MROH2B: variants seen among roughly 807,000 people sequenced by gnomAD.
MROH2B encodes maestro heat like repeat family member 2B.
Under a neutral mutation model 208.6 loss-of-function variants are expected in MROH2B, and 177 were observed. The ratio of observed to expected loss-of-function variants is 0.85; its 90% CI spans 0.75 to 0.96. The LOEUF (loss-of-function observed/expected upper bound fraction) is 0.96, where lower values mean the gene tolerates loss of function less well. MROH2B is among the 40% of genes least tolerant of loss of function. The probability of loss-of-function intolerance (pLI) is 0.00; values close to 1 mark genes in which losing one functional copy is unlikely to be tolerated. For missense variants in MROH2B, 2,002 were observed against 1,878.7 expected (o/e 1.07, Z -1.21); for synonymous variants, 728 against 659.0 (o/e 1.10, Z -1.60).
Position 41,007,462 on chromosome 5 carries a change from A to G in MROH2B, c.3609-8T>C, listed in dbSNP as rs1254248100. The G allele has an allele frequency of 1.9e-6, 3 of 1,554,430 alleles. No individual in the cohort carries two copies. Among genetic ancestry groups the G allele is most frequent in the African/African-American group, 1.4e-5 (1 of 72,698 alleles). On this transcript the variant is annotated splice_polypyrimidine_tract_variant and splice_region_variant and intron_variant, in intron 33 of 41. Coordinates refer to ENST00000399564, the MANE Select transcript of MROH2B (RefSeq NM_173489.5). Reference sequence around the variant, plus strand: ...AAAGTAGCAGTTGAAAGCCTAAAGGAGACAGTCAGCATTACAAAACTAAGT... The same window carrying G: ...AAAGTAGCAGTTGAAAGCCTAAAGGGGACAGTCAGCATTACAAAACTAAGT...
At chr5:41,065,714 G>A (rs867939314) in intron 3 of MROH2B, among the ~76,000 whole-genome samples, 1 of 152,020 alleles carries the variant, frequency 6.6e-6, no homozygotes, top group Admixed American at 6.5e-5. Flanking sequence ...TTCTTTTGGA[G>A]TCTGCAAAAA....
chr5:41,004,251 G>A (rs774041810), intron 37 of MROH2B, 95 bp downstream of exon 37: 3 of 1,417,254 alleles, frequency 2.1e-6, no homozygotes, highest in East Asian at 4.6e-5. Context: ...AAGGAATATG[G>A]GTGGGACACT....
chr5:41,066,342 C>G (rs1743814518), intron 3 of MROH2B, among the ~76,000 whole-genome samples: 1 of 152,106 alleles, frequency 6.6e-6, no homozygotes, highest in South Asian at 2.1e-4. Flanking sequence ...TCAGCAAACT[C>G]ACAATATAGG....
At chr5:41,032,900 C>T in intron 23 of MROH2B, 79 bp from the exon 24 acceptor site, 1 of 1,544,808 alleles carries the variant, frequency 6.5e-7, no homozygotes, top group South Asian at 1.2e-5. Context: ...CTCATCAGAC[C>T]ATTGGGTGCC....
chr5:41,026,612 CA>C (rs1463035740), intron 24 of MROH2B, among the ~76,000 whole-genome samples: 3 of 152,124 alleles, frequency 2.0e-5, no homozygotes, highest in African/African-American at 7.2e-5. Context: ...CCATACTGCC[CA>C]AGGTAATTTA....
chr5:41,050,367 A>T (rs1743249164), intron 13 of MROH2B, among the ~76,000 whole-genome samples: 1 of 152,150 alleles, frequency 6.6e-6, no homozygotes, highest in Non-Finnish European at 1.5e-5. Flanking sequence ...ATTGGAACTT[A>T]GTTGATTGTA....
At chr5:41,024,449 T>C (rs533702308) in intron 24 of MROH2B, among the ~76,000 whole-genome samples, 1 of 152,212 alleles carries the variant, frequency 6.6e-6, no homozygotes, top group South Asian at 2.1e-4. Flanking sequence ...GGCCATTACA[T>C]AATGGAAAAG....
chr5:41,054,947 T>G, intron 10 of MROH2B, 107 bp from the exon 11 acceptor site: 1 of 721,910 alleles, frequency 1.4e-6, no homozygotes, highest in Non-Finnish European at 2.1e-6. Flanking sequence ...GTGAAATCTC[T>G]TGTTTTTAAC....
chr5:41,016,724 A>G (rs1260365702), intron 28 of MROH2B, among the ~76,000 whole-genome samples: 7 of 151,780 alleles, frequency 4.6e-5, no homozygotes, highest in Non-Finnish European at 8.8e-5. Flanking sequence ...CAAGTGACCC[A>G]TATGCTTCGG....
Position 40,999,792 on chromosome 5 carries a change from T to C in MROH2B, c.4483-13A>G, listed in dbSNP as rs780113593. ...GGTTTTTCTTGGCCTAGAAGAGATGTGAATTTCAAAGAGGGCAACTGGAAA... is the reference window on the plus strand; with the variant it reads ...GGTTTTTCTTGGCCTAGAAGAGATGCGAATTTCAAAGAGGGCAACTGGAAA... On this transcript the variant is annotated splice_polypyrimidine_tract_variant and intron_variant, in intron 39 of 41. Transcript: ENST00000399564. The C allele has an allele frequency of 1.4e-5, 22 of 1,609,076 alleles. No homozygotes were observed. The highest frequency in any genetic ancestry group is 1.9e-5 in the Non-Finnish European group (22 of 1,176,690).
intron 24 of MROH2B, among the ~76,000 whole-genome samples, chr5:41,031,008 A>G (rs1742550831): frequency 6.6e-6 from 1 of 152,154 alleles, no homozygotes; most frequent in Admixed American, 6.6e-5. Flanking sequence ...AAAAAGCAGG[A>G]TGAAAAATCA....
In MROH2B at chr5:41,057,180, T is replaced by G. The variant is rs201903560; in HGVS notation, c.850-2A>C. The G allele has an allele frequency of 6.2e-7, 1 of 1,613,762 alleles. No homozygotes were observed. The highest frequency in any genetic ancestry group is 1.3e-5 in the African/African-American group (1 of 75,030). The stretch of plus-strand genomic sequence containing the variant: ...TGGAGGCTCTGGAGCTCTGCAGATC[T>G]GAATGGGGGTGGAAATCAGGTGGTA... On this transcript the variant is annotated splice_acceptor_variant, in intron 8 of 41. Coordinates refer to ENST00000399564, the MANE Select transcript of MROH2B (RefSeq NM_173489.5). LOFTEE classifies it high-confidence loss of function.
intron 24 of MROH2B, among the ~76,000 whole-genome samples, chr5:41,025,661 G>A (rs1447935169): frequency 6.6e-6 from 1 of 152,140 alleles, no homozygotes; most frequent in African/African-American, 2.4e-5. Context: ...TAGAAAAAGA[G>A]GGAATCCTCC....
chr5:41,006,993 TA>T (rs34018095), intron 34 of MROH2B, among the ~76,000 whole-genome samples: 19,005 of 152,114 alleles, frequency 0.12, 1,267 homozygotes, highest in African/African-American at 0.16. Context: ...AATAAAAAAA[TA>T]AAATTTTTTT....
intron 19 of MROH2B, among the ~76,000 whole-genome samples, chr5:41,041,736 T>C (rs1579941211): frequency 6.6e-6 from 1 of 152,312 alleles, no homozygotes; most frequent in East Asian, 1.9e-4. Flanking sequence ...AGAAGCACTT[T>C]AGGTTATCTT....
intron 27 of MROH2B, among the ~76,000 whole-genome samples, 165 bp downstream of exon 27, chr5:41,018,176 C>T (rs922980256): frequency 2.0e-5 from 3 of 152,192 alleles, no homozygotes; most frequent in Admixed American, 6.5e-5. Flanking sequence ...TAGCTCAATT[C>T]GTGTGAGCTG....
chr5:41,036,006 G>T (rs1430606829), intron 21 of MROH2B, among the ~76,000 whole-genome samples: 2 of 151,896 alleles, frequency 1.3e-5, no homozygotes, highest in East Asian at 3.9e-4. Flanking sequence ...TAAAAAAATG[G>T]ATCGTTTTAC....
At chr5:41,055,576 T>G (rs1743421736) in intron 10 of MROH2B, among the ~76,000 whole-genome samples, 166 bp downstream of exon 10, 1 of 152,206 alleles carries the variant, frequency 6.6e-6, no homozygotes, top group Non-Finnish European at 1.5e-5. Flanking sequence ...TAAAGATGCC[T>G]GTTGAAAGGA....
Position 41,004,924 on chromosome 5 carries a change from A to T in MROH2B, c.3865-4T>A, listed in dbSNP as rs760701775. On this transcript the variant is annotated splice_region_variant and splice_polypyrimidine_tract_variant and intron_variant, in intron 35 of 41. Coordinates refer to ENST00000399564, the MANE Select transcript of MROH2B (RefSeq NM_173489.5). ...AAAGGATTGGTTCCTTCATGAGCTG[A>T]AATAATCAACACACTCCTCCCGTTT... 1 of 1,613,496 alleles carries T rather than the reference A, an allele frequency of 6.2e-7. No individual in the cohort carries two copies. Among genetic ancestry groups the T allele is most frequent in the South Asian group, 1.1e-5 (1 of 90,968 alleles).
Sources: allele counts gnomAD v4.1 joint callset (sites outside exome capture counted in the v4.1 genomes callset), GRCh38; gene constraint gnomAD v4.1.1; transcripts MANE v1.5; gene names NCBI Gene and HGNC (gene_info 2026-07-23, HGNC 2026-07-21).